TIAM1: variants seen among roughly 807,000 people sequenced by gnomAD.
TIAM1 encodes the protein rho guanine nucleotide exchange factor TIAM1.
Under a neutral mutation model 163.5 loss-of-function variants are expected in TIAM1, and 65 were observed. That is an observed-to-expected ratio of 0.40 (90% CI 0.33 to 0.49). The LOEUF is 0.49. TIAM1 is among the 20% of genes least tolerant of loss of function. TIAM1 has a pLI of 0.77. For missense variants in TIAM1, 1,789 were observed against 2,044.7 expected, an observed-to-expected ratio of 0.87 and a Z score of 2.41; for synonymous variants, 833 against 810.1, an observed-to-expected ratio of 1.03 and a Z score of -0.48.
At chr21:31,529,207 C>A (rs2147512648) in intron 1 of TIAM1, among the ~76,000 whole-genome samples, 1 of 152,012 alleles carries the variant, frequency 6.6e-6, no homozygotes, top group South Asian at 2.1e-4. Flanking sequence ...GTGTGAGCCA[C>A]CGCGCCCAGC....
At chr21:31,217,515 T>C in intron 9 of TIAM1, 38 bp downstream of exon 9, 1 of 1,598,142 alleles carries the variant, frequency 6.3e-7, no homozygotes, top group Non-Finnish European at 8.5e-7. Flanking sequence ...ACAGAAGTGA[T>C]TTGTGCGGGC....
At chr21:31,145,027 C>T (rs542533959) in intron 20 of TIAM1, among the ~76,000 whole-genome samples, 155 of 152,176 alleles carry the variant, frequency 1.0e-3, no homozygotes, top group Admixed American at 3.4e-3. Flanking sequence ...TATAATTTCA[C>T]TGTGGAGCAA....
chr21:31,216,273 T>G lies in TIAM1; in HGVS notation c.2142+1280A>C, dbSNP rs1489390514. Among the ~76,000 whole-genome samples the G allele has an allele frequency of 2.0e-5, 3 of 152,172 alleles. No homozygotes were observed. The East Asian group carries it at 5.8e-4, about 29-fold the overall frequency. ...AATCTCTTTTCTAAAATTCATTTCT[T>G]AAGTAAATTAATGGCTGGAACTGTC... On this transcript the variant is annotated intron_variant, in intron 9 of 27. Coordinates refer to ENST00000541036, the MANE Select transcript of TIAM1 (RefSeq NM_001353694.2).
At chr21:31,523,582 T>C (rs1207943780) in intron 1 of TIAM1, among the ~76,000 whole-genome samples, 2 of 152,092 alleles carry the variant, frequency 1.3e-5, no homozygotes, top group East Asian at 3.9e-4. Flanking sequence ...TGTGGGCAAA[T>C]CTCTTCATCT....
At chr21:31,297,210 T>C (rs941660356) in intron 2 of TIAM1, among the ~76,000 whole-genome samples, 5 of 152,218 alleles carry the variant, frequency 3.3e-5, no homozygotes, top group African/African-American at 1.2e-4. Flanking sequence ...GCTAATTGAA[T>C]AAACCAGACA....
intron 2 of TIAM1, among the ~76,000 whole-genome samples, chr21:31,303,894 C>T (rs889454946): frequency 6.6e-6 from 1 of 152,142 alleles, no homozygotes; most frequent in African/African-American, 2.4e-5. Flanking sequence ...AGGAGAATTG[C>T]TTGAACCCTG....
intron 1 of TIAM1, among the ~76,000 whole-genome samples, chr21:31,492,935 G>T (rs11088175): frequency 0.23 from 35,226 of 151,976 alleles, 4,408 homozygotes; most frequent in Admixed American, 0.33. Flanking sequence ...ATTTTTTAAG[G>T]TGTGTTTTAA....
chr21:31,196,478 ATT>A (rs59358430), intron 12 of TIAM1, among the ~76,000 whole-genome samples: 6 of 133,064 alleles, frequency 4.5e-5, no homozygotes, highest in Admixed American at 7.6e-5. Flanking sequence ...CATCTGGCTA[ATT>A]TTTTTTTTTT....
chr21:31,175,842 A>G (rs1601419714), intron 15 of TIAM1, among the ~76,000 whole-genome samples: 1 of 151,980 alleles, frequency 6.6e-6, no homozygotes, highest in Non-Finnish European at 1.5e-5. Flanking sequence ...TAGGTGATCC[A>G]CCTGCCTCGG....
At chr21:31,178,179 G>C (rs8132799) in intron 15 of TIAM1, among the ~76,000 whole-genome samples, 4,581 of 152,174 alleles carry the variant, frequency 0.03, 241 homozygotes, top group African/African-American at 0.1. Context: ...CCACTGTTAA[G>C]TGGGGACTAG....
intron 22 of TIAM1, among the ~76,000 whole-genome samples, chr21:31,139,042 G>A (rs559221271): frequency 6.6e-6 from 1 of 152,108 alleles, no homozygotes; most frequent in Non-Finnish European, 1.5e-5. Flanking sequence ...ACTTTGTATA[G>A]CACTATATCA....
intron 13 of TIAM1, among the ~76,000 whole-genome samples, chr21:31,188,763 G>A (rs937169408): frequency 3.3e-5 from 5 of 149,394 alleles, no homozygotes; most frequent in Non-Finnish European, 7.4e-5. Context: ...TTTTAGAGAT[G>A]GGGTCTTACT....
chr21:31,383,835 G>T (rs916794987), intron 2 of TIAM1, among the ~76,000 whole-genome samples: 1 of 152,160 alleles, frequency 6.6e-6, no homozygotes, highest in East Asian at 1.9e-4. Context: ...AGCTTCATTT[G>T]CTGTGATTTT....
At chr21:31,411,471 C>CTTTTTTT (rs11362012) in intron 2 of TIAM1, among the ~76,000 whole-genome samples, 1 of 102,732 alleles carries the variant, frequency 9.7e-6, no homozygotes, top group African/African-American at 3.6e-5. Context: ...TCCCAAGAAA[C>CTTTTTTT]TTTTTTTTTT....
intron 6 of TIAM1, among the ~76,000 whole-genome samples, chr21:31,230,247 C>T (rs560000555): frequency 7.2e-5 from 11 of 151,992 alleles, no homozygotes; most frequent in African/African-American, 2.4e-4. Context: ...ACAGCAAGCT[C>T]GGCTGAATAT....
intron 9 of TIAM1, among the ~76,000 whole-genome samples, chr21:31,215,334 T>C (rs898086048): frequency 2.0e-5 from 3 of 152,008 alleles, no homozygotes; most frequent in South Asian, 2.1e-4. Context: ...CTCATGCCTA[T>C]AATCCCAGCA....
At chr21:31,283,878 C>T (rs1167108235) in intron 2 of TIAM1, among the ~76,000 whole-genome samples, 1 of 152,126 alleles carries the variant, frequency 6.6e-6, no homozygotes, top group Non-Finnish European at 1.5e-5. Flanking sequence ...AGCTACTGAA[C>T]ACTTGGGAAT....
intron 2 of TIAM1, among the ~76,000 whole-genome samples, chr21:31,372,795 C>T (rs923926469): frequency 2.6e-5 from 4 of 151,978 alleles, no homozygotes; most frequent in African/African-American, 7.3e-5. Context: ...GTGGCTCACA[C>T]CTGTAATCCC....
At position 31,152,769 on chromosome 21, in the gene TIAM1, T is replaced by G. The variant is rs2083440349; in HGVS notation, c.3241-8A>C. ...TCCAAAAAGCACGTCAAGCTAGAAA[T>G]AAAACAGAATTTAATGCACCTCATA... On this transcript the variant is annotated splice_region_variant and splice_polypyrimidine_tract_variant and intron_variant, in intron 18 of 27. Coordinates refer to ENST00000541036, the MANE Select transcript of TIAM1 (RefSeq NM_001353694.2). The G allele has an allele frequency of 1.9e-6, 3 of 1,613,484 alleles. No homozygotes were observed. In the African/African-American group the frequency reaches 4.0e-5, roughly 22 times the overall value.
Sources: gnomAD v4.1 joint callset for allele counts (sites outside exome capture counted in the v4.1 genomes callset) on GRCh38, gnomAD v4.1.1 for gene constraint, MANE v1.5 for transcripts, NCBI Gene and HGNC (gene_info 2026-07-23, HGNC 2026-07-21) for gene names.